RFC3: variants seen among roughly 807,000 people sequenced by gnomAD.
RFC3 encodes the protein replication factor C subunit 3.
In RFC3, 41 loss-of-function variants were observed where a neutral mutation model predicts 45.1. The observed-to-expected ratio is 0.91, with a 90% CI of 0.71 to 1.18. The LOEUF (loss-of-function observed/expected upper bound fraction) is 1.18, where lower values mean the gene tolerates loss of function less well. RFC3 is among the 50% of genes most tolerant of loss of function. The pLI is 0.00. For missense variants in RFC3, 423 were observed against 428.1 expected (o/e 0.99, Z 0.10); for synonymous variants, 149 against 144.0 (o/e 1.03, Z -0.25).
the RFC3 span, among the ~76,000 whole-genome samples, chr13:33,972,763 G>A: frequency 8.5e-4 from 130 of 152,250 alleles, 1 homozygote; most frequent in African/African-American, 2.6e-3. Context: ...GGGACAATAC[G>A]TTATATATCA....
intron 8 of RFC3, among the ~76,000 whole-genome samples, chr13:33,937,228 G>A (rs538441384): frequency 2.6e-5 from 4 of 152,084 alleles, no homozygotes; most frequent in Non-Finnish European, 5.9e-5. Context: ...TTACCATTCT[G>A]TTACAATTGC....
At chr13:33,915,899 A>G (rs9598297) in intron 8 of RFC3, among the ~76,000 whole-genome samples, 6,305 of 152,140 alleles carry the variant, frequency 0.041, 394 homozygotes, top group African/African-American at 0.14. Context: ...CTGGGGTTCA[A>G]GTGATTCTCA....
chr13:33,907,614 C>T (rs9592109), intron 8 of RFC3, among the ~76,000 whole-genome samples: 46,699 of 151,730 alleles, frequency 0.31, 11,516 homozygotes, highest in African/African-American at 0.67. Flanking sequence ...TTAAAATTGC[C>T]TCTTTGGTTA....
intron 8 of RFC3, among the ~76,000 whole-genome samples, chr13:33,904,955 G>T (rs1363857470): frequency 6.6e-6 from 1 of 152,028 alleles, no homozygotes; most frequent in Non-Finnish European, 1.5e-5. Flanking sequence ...AAACTGTAGA[G>T]AAAAACAATG....
intron 8 of RFC3, among the ~76,000 whole-genome samples, chr13:33,888,443 A>T (rs984999741): frequency 6.6e-6 from 1 of 151,850 alleles, no homozygotes; most frequent in African/African-American, 2.4e-5. Context: ...TTGTAATTTT[A>T]TAATATATTG....
chr13:33,944,854 C>CCT (rs1423432910), intron 8 of RFC3, among the ~76,000 whole-genome samples: 1 of 152,076 alleles, frequency 6.6e-6, no homozygotes, highest in Non-Finnish European at 1.5e-5. Context: ...AATGCAACAG[C>CCT]AACAGTCCAT....
intron 8 of RFC3, among the ~76,000 whole-genome samples, chr13:33,856,376 C>T (rs992252396): frequency 2.0e-5 from 3 of 152,092 alleles, no homozygotes; most frequent in South Asian, 4.2e-4. Flanking sequence ...GGAAAAATAA[C>T]GAATGGGTAT....
intron 8 of RFC3, among the ~76,000 whole-genome samples, chr13:33,898,633 T>C (rs1200118431): frequency 6.6e-6 from 1 of 151,508 alleles, no homozygotes; most frequent in African/African-American, 2.4e-5. Flanking sequence ...CTGAAATTAG[T>C]AGATGAAAAG....
intron 8 of RFC3, among the ~76,000 whole-genome samples, chr13:33,872,858 A>T (rs189511120): frequency 9.9e-4 from 138 of 139,100 alleles, no homozygotes; most frequent in Non-Finnish European, 3.6e-4. Flanking sequence ...GTGTTGAATG[A>T]ATGAGTGAAT....
Position 33,836,447 on chromosome 13 carries a change from G to A in RFC3, c.*152G>A, listed in dbSNP as rs1199316264. 1.4e-6 allele frequency: 2 copies of A among 1,439,954 alleles called. No homozygotes were observed. The highest frequency in any genetic ancestry group is 5.2e-5 in the Admixed American group (2 of 38,164). 89.2% of individuals were successfully genotyped at this position (1,439,954 alleles called of 1,614,324 possible). ...CTCTGTGAACTATTAATCATCCTCT[G>A]AGTTAAATAATTGCTCCTATACTAT... On this transcript the variant is annotated 3_prime_UTR_variant, in exon 9 of 9. Transcript: ENST00000380071.
chr13:33,835,271 G>T (rs756881076), intron 8 of RFC3, 54 bp downstream of exon 8: 74 of 1,126,662 alleles, frequency 6.6e-5, no homozygotes, highest in Non-Finnish European at 9.0e-5. Flanking sequence ...TGGACGCTGG[G>T]TGTGTGATCA....
chr13:33,946,449 C>T (rs1276346940), intron 8 of RFC3, among the ~76,000 whole-genome samples: 2 of 152,092 alleles, frequency 1.3e-5, no homozygotes, highest in Admixed American at 6.6e-5. Flanking sequence ...GTTAATGTGG[C>T]TTCTATCTGT....
At chr13:33,923,022 TA>T (rs1161277954) in intron 8 of RFC3, among the ~76,000 whole-genome samples, 2 of 152,126 alleles carry the variant, frequency 1.3e-5, no homozygotes, top group Non-Finnish European at 2.9e-5. Context: ...AGGGACCATT[TA>T]TTAAAGTTTA....
downstream of RFC3, among the ~76,000 whole-genome samples, chr13:33,967,550 C>T (rs550544677): frequency 1.9e-4 from 25 of 133,560 alleles, no homozygotes; most frequent in African/African-American, 5.4e-4. Context: ...TGCAGTGGTG[C>T]GGTCTTGGCT....
At chr13:33,964,922 A>T (rs1287168253) in intron 8 of RFC3, among the ~76,000 whole-genome samples, 4 of 152,206 alleles carry the variant, frequency 2.6e-5, no homozygotes, top group African/African-American at 7.2e-5. Context: ...GACAACGAGG[A>T]GGGAGTGTAA....
chr13:33,946,521 T>C (rs2082955436), intron 8 of RFC3, among the ~76,000 whole-genome samples: 1 of 152,198 alleles, frequency 6.6e-6, no homozygotes, highest in South Asian at 2.1e-4. Context: ...AAATACAAAA[T>C]AGTAAACCCT....
intron 8 of RFC3, among the ~76,000 whole-genome samples, chr13:33,876,968 A>C (rs982804330): frequency 2.6e-5 from 4 of 152,244 alleles, no homozygotes; most frequent in Non-Finnish European, 4.4e-5. Flanking sequence ...TGAAAAGCAG[A>C]CACTGATTTC....
chr13:33,923,430 G>T (rs1172436599), intron 8 of RFC3, among the ~76,000 whole-genome samples: 1 of 152,108 alleles, frequency 6.6e-6, no homozygotes. Flanking sequence ...GCTCCTGGCT[G>T]TAGTGTGGCT....
At chr13:33,852,964 A>G (rs1326935808) in intron 8 of RFC3, among the ~76,000 whole-genome samples, 2 of 152,172 alleles carry the variant, frequency 1.3e-5, no homozygotes, top group Non-Finnish European at 2.9e-5. Context: ...TGTAGAGAAG[A>G]GTTTTACAGG....
Sources: gnomAD v4.1 joint callset for allele counts (sites outside exome capture counted in the v4.1 genomes callset) on GRCh38, gnomAD v4.1.1 for gene constraint, MANE v1.5 for transcripts, NCBI Gene and HGNC (gene_info 2026-07-23, HGNC 2026-07-21) for gene names.